The following PDE4B variants were observed in gnomAD, a reference collection of about 807,000 sequenced individuals.
PDE4B encodes 3',5'-cyclic-AMP phosphodiesterase 4B.
PDE4B carries 20 observed loss-of-function variants against 82.2 expected under a neutral mutation model. That is an observed-to-expected ratio of 0.24 (90% CI 0.17 to 0.35). The LOEUF (loss-of-function observed/expected upper bound fraction) is 0.35. PDE4B is among the 10% of genes least tolerant of loss of function. PDE4B has a pLI of 1.00. For missense variants in PDE4B, 655 were observed against 907.2 expected (o/e 0.72, Z 3.57); for synonymous variants, 320 against 318.9 (o/e 1.00, Z -0.04).
At chr1:66,175,395 G>A (rs1646913863) in intron 3 of PDE4B, among the ~76,000 whole-genome samples, 1 of 152,174 alleles carries the variant, frequency 6.6e-6, no homozygotes, top group South Asian at 2.1e-4. Context: ...AAGACTCATT[G>A]CTTTAATTAT....
intron 8 of PDE4B, among the ~76,000 whole-genome samples, chr1:66,342,647 C>G (rs554533042): frequency 6.6e-6 from 1 of 151,288 alleles, no homozygotes; most frequent in African/African-American, 2.4e-5. Context: ...AGGAGAATCA[C>G]TTGAAACCAG....
At chr1:66,145,804 A>G (rs1049759778) in intron 3 of PDE4B, among the ~76,000 whole-genome samples, 3 of 152,176 alleles carry the variant, frequency 2.0e-5, no homozygotes, top group Admixed American at 6.5e-5. Flanking sequence ...TTTGCTTCCC[A>G]CAGTGCATTG....
rs769537649 is a variant in PDE4B at position 66,367,691 on chromosome 1, A to G, written c.1385-5A>G. 1.9e-5 allele frequency: 30 copies of G among 1,602,866 alleles called. No individual in the cohort carries two copies. Among genetic ancestry groups the G allele is most frequent in the Non-Finnish European group, 2.5e-5 (29 of 1,174,218 alleles). ...ATTAAGTCATCATTTGGTCTGATTT[A>G]TTAGATTCAGAACTTGCTTTGATGT... is the stretch of plus-strand genomic sequence containing the variant. On this transcript the variant is annotated splice_polypyrimidine_tract_variant and splice_region_variant and intron_variant, in intron 13 of 16. Coordinates refer to ENST00000341517, the MANE Select transcript of PDE4B (RefSeq NM_002600.4).
intron 3 of PDE4B, among the ~76,000 whole-genome samples, chr1:66,144,198 T>C (rs185589986): frequency 8.7e-4 from 132 of 152,336 alleles, no homozygotes; most frequent in African/African-American, 2.8e-3. Flanking sequence ...CGGTTCCAGG[T>C]TTTTTTCCAT....
intron 3 of PDE4B, among the ~76,000 whole-genome samples, chr1:65,961,589 C>T (rs1649545177): frequency 1.3e-5 from 2 of 152,118 alleles, no homozygotes; most frequent in African/African-American, 4.8e-5. Flanking sequence ...CACCATTATA[C>T]AGAGACTCTA....
At chr1:66,284,665 C>T (rs1656541612) in intron 7 of PDE4B, among the ~76,000 whole-genome samples, 1 of 151,892 alleles carries the variant, frequency 6.6e-6, no homozygotes, top group Non-Finnish European at 1.5e-5. Flanking sequence ...AAGACCCCAT[C>T]TCAAAAAAAT....
rs555454954 is a variant in PDE4B at position 65,860,099 on chromosome 1, T to C, written c.-70-53146T>C. Among the ~76,000 whole-genome samples, 13 of 152,338 alleles carry C rather than the reference T, an allele frequency of 8.5e-5. No individual in the cohort carries two copies. The South Asian group carries it at 2.5e-3, about 29-fold the overall frequency. On this transcript the variant is annotated intron_variant, in intron 1 of 16. Coordinates refer to ENST00000341517, the MANE Select transcript of PDE4B (RefSeq NM_002600.4). ...AGAACATGCAGGTTAGTTACATAGG[T>C]ATACATTTGCCATGGTGGTTTGCTG... is the stretch of plus-strand genomic sequence containing the variant.
In PDE4B at chr1:66,216,285, C is replaced by G. The variant is rs368884015; in HGVS notation, c.282-31175C>G. 4.6e-5 allele frequency among the ~76,000 whole-genome samples: 7 copies of G among 151,374 alleles called. No individual in the cohort carries two copies. In the East Asian group the frequency reaches 1.2e-3, roughly 25 times the overall value. On this transcript the variant is annotated intron_variant, in intron 3 of 16. Transcript: ENST00000341517. ...TGATAGGTTAAGTAAAGCAGTTTGC[C>G]CTCCTCAATGTGCATGGGCCTCATT... is the stretch of plus-strand genomic sequence containing the variant.
intron 3 of PDE4B, among the ~76,000 whole-genome samples, chr1:65,937,629 T>G (rs903242165): frequency 2.0e-5 from 3 of 152,152 alleles, no homozygotes; most frequent in African/African-American, 7.2e-5. Flanking sequence ...ACTGAATTTG[T>G]GATTCGTGCT....
At chr1:66,171,243 A>G (rs2101337392) in intron 3 of PDE4B, among the ~76,000 whole-genome samples, 1 of 152,306 alleles carries the variant, frequency 6.6e-6, no homozygotes, top group South Asian at 2.1e-4. Context: ...TCCCATAAAA[A>G]GTGGAATTCA....
intron 3 of PDE4B, among the ~76,000 whole-genome samples, chr1:66,009,458 C>A (rs752084540): frequency 1.3e-5 from 2 of 152,126 alleles, no homozygotes; most frequent in Non-Finnish European, 2.9e-5. Context: ...TTGTTTCATT[C>A]CTCTATTCAG....
chr1:66,067,899 A>G (rs566474680), intron 3 of PDE4B, among the ~76,000 whole-genome samples: 2 of 143,382 alleles, frequency 1.4e-5, no homozygotes, highest in East Asian at 2.2e-4. Flanking sequence ...AACAATGAGA[A>G]CACATGGACA....
intron 8 of PDE4B, among the ~76,000 whole-genome samples, chr1:66,344,872 T>A (rs1486910047): frequency 2.6e-5 from 4 of 152,242 alleles, no homozygotes; most frequent in Non-Finnish European, 5.9e-5. Flanking sequence ...CAGAGATTTC[T>A]AAGGCCCATT....
chr1:66,296,117 C>G (rs1657495360), intron 7 of PDE4B, among the ~76,000 whole-genome samples: 1 of 152,154 alleles, frequency 6.6e-6, no homozygotes. Flanking sequence ...TCCTGAGCAT[C>G]CGGGGCTTAT....
chr1:65,865,662 A>G (rs1427607165), intron 1 of PDE4B, among the ~76,000 whole-genome samples: 1 of 152,160 alleles, frequency 6.6e-6, no homozygotes, highest in Non-Finnish European at 1.5e-5. Flanking sequence ...TGCATTTCCC[A>G]GGTGAGGCAT....
intron 3 of PDE4B, among the ~76,000 whole-genome samples, chr1:66,027,288 C>T (rs780918352): frequency 6.6e-6 from 1 of 152,074 alleles, no homozygotes; most frequent in Admixed American, 6.6e-5. Flanking sequence ...CAGAAACCCC[C>T]GATAAACCCA....
intron 3 of PDE4B, among the ~76,000 whole-genome samples, chr1:66,162,490 A>G (rs1376416429): frequency 6.6e-6 from 1 of 152,002 alleles, no homozygotes; most frequent in African/African-American, 2.4e-5. Context: ...TGGGTAAGCC[A>G]GCCAGCTTCT....
chr1:66,259,361 A>G (rs1654505311), intron 6 of PDE4B, among the ~76,000 whole-genome samples: 1 of 152,178 alleles, frequency 6.6e-6, no homozygotes, highest in African/African-American at 2.4e-5. Flanking sequence ...AGTGTAAACA[A>G]TCAGACCAGG....
At chr1:66,255,107 A>G (rs1157929405) in intron 4 of PDE4B, among the ~76,000 whole-genome samples, 2 of 145,078 alleles carry the variant, frequency 1.4e-5, no homozygotes, top group African/African-American at 2.6e-5. Context: ...TTTTTGAGAC[A>G]AAGTGTCACT....
Sources: gnomAD v4.1 joint callset for allele counts (sites outside exome capture counted in the v4.1 genomes callset) on GRCh38, gnomAD v4.1.1 for gene constraint, MANE v1.5 for transcripts, NCBI Gene and HGNC (gene_info 2026-07-23, HGNC 2026-07-21) for gene names.